Variants in BPI observed in about 807,000 individuals in gnomAD.
The protein encoded by BPI is bactericidal permeability increasing protein, also known as bactericidal permeability-increasing protein.
In BPI, 48 loss-of-function variants were observed where a neutral mutation model predicts 57.6. That is an observed-to-expected ratio of 0.83 (90% CI 0.66 to 1.06). BPI has a LOEUF of 1.06. Ranked by LOEUF, BPI falls within the 50% of genes least tolerant of loss-of-function variation. BPI has a pLI of 0.00. For synonymous variants in BPI, 237 were observed against 238.2 expected (o/e 0.99, Z 0.05); for missense variants, 651 against 609.7 (o/e 1.07, Z -0.71).
rs1345745846 is a variant in BPI, at chr20:38,326,409, G to A, written c.1138G>A (p.Ala380Thr). 1.9e-6 allele frequency: 3 copies of A among 1,613,786 alleles called. No individual in the cohort carries two copies. Among genetic ancestry groups the A allele is most frequent in the East Asian group, 2.2e-5 (1 of 44,860 alleles). The part of the protein sequence containing the change: ...AFAVLPNSSL[A>T]SLFLIGMHTT... ...TGCCGTCCTCCCCAACTCCTCCCTGGCTTCCCTCTTCCTGATTGGCATGGT... is the reference window on the plus strand; with the variant it reads ...TGCCGTCCTCCCCAACTCCTCCCTGACTTCCCTCTTCCTGATTGGCATGGT... The change falls in exon 10 of 15, where the codon GCT (alanine) becomes ACT (threonine). Residue 380 changes from alanine to threonine, a missense_variant. By Grantham distance (58) the Ala-to-Thr change is moderately conservative (BLOSUM62 0). Coordinates refer to ENST00000642449, the MANE Select transcript of BPI (RefSeq NM_001725.3).
chr20:38,310,889 C>T (rs1406953806), intron 4 of BPI, among the ~76,000 whole-genome samples: 2 of 152,234 alleles, frequency 1.3e-5, no homozygotes, highest in African/African-American at 2.4e-5. Flanking sequence ...CTTACTATGT[C>T]CCAGGCTCAT....
intron 12 of BPI, 136 bp from the exon 13 acceptor site, chr20:38,334,294 G>A: frequency 1.2e-6 from 1 of 803,054 alleles, no homozygotes; most frequent in Non-Finnish European, 2.1e-6. Flanking sequence ...CCACCTCTCA[G>A]CAGTTTTCCC....
chr20:38,312,983 G>A (rs909662765), intron 5 of BPI, among the ~76,000 whole-genome samples: 1 of 152,210 alleles, frequency 6.6e-6, no homozygotes, highest in African/African-American at 2.4e-5. Flanking sequence ...CAAAGTCTCA[G>A]GGTAGGGTCT....
At chr20:38,324,194 G>A in intron 8 of BPI, 148 bp downstream of exon 8, 1 of 976,200 alleles carries the variant, frequency 1.0e-6, no homozygotes. Flanking sequence ...TCCAATATCG[G>A]CCCCACCCCT....
chr20:38,329,329 C>A (rs1287930952), intron 11 of BPI, among the ~76,000 whole-genome samples: 3 of 152,222 alleles, frequency 2.0e-5, no homozygotes, highest in Non-Finnish European at 4.4e-5. Flanking sequence ...GCCGCCTTGA[C>A]CCACATCCCT....
intron 9 of BPI, among the ~76,000 whole-genome samples, chr20:38,325,035 G>A (rs188103000): frequency 2.0e-5 from 3 of 152,330 alleles, no homozygotes; most frequent in Admixed American, 6.5e-5. Flanking sequence ...GGGAGTAGAT[G>A]CTGGCAGGAG....
At chr20:38,306,920 T>A (rs2076599352) in intron 1 of BPI, among the ~76,000 whole-genome samples, 1 of 152,056 alleles carries the variant, frequency 6.6e-6, no homozygotes, top group East Asian at 1.9e-4. Context: ...TGGTGGCTCA[T>A]GCCTGTAACT....
Position 38,304,368 on chromosome 20 carries a change from C to T in BPI, c.130+15C>T, listed in dbSNP as rs1166789902. 2 of 1,611,076 alleles carry T rather than the reference C, an allele frequency of 1.2e-6. No individual in the cohort carries two copies. The highest frequency in any genetic ancestry group is 1.7e-6 in the Non-Finnish European group (2 of 1,179,880). ...CCTGGACTACGGTAACTGGATGCCT[C>T]CCTTCCCTCCTCTCCACCCCTGAGG... On this transcript the variant is annotated intron_variant, in intron 1 of 14. Coordinates refer to ENST00000642449, the MANE Select transcript of BPI (RefSeq NM_001725.3).
intron 5 of BPI, among the ~76,000 whole-genome samples, chr20:38,315,603 T>C (rs2076648052): frequency 6.6e-6 from 1 of 152,190 alleles, no homozygotes; most frequent in South Asian, 2.1e-4. Flanking sequence ...TGCTGTCCTC[T>C]GTTCCTGGGT....
At chr20:38,306,058 G>A (rs1276599330) in intron 1 of BPI, among the ~76,000 whole-genome samples, 1 of 152,130 alleles carries the variant, frequency 6.6e-6, no homozygotes, top group African/African-American at 2.4e-5. Context: ...TTGAGACCGA[G>A]TCTCGCTCTG....
intron 3 of BPI, 90 bp from the exon 4 acceptor site, chr20:38,310,401 T>C: frequency 6.7e-7 from 1 of 1,497,224 alleles, no homozygotes; most frequent in Non-Finnish European, 9.1e-7. Flanking sequence ...GTGGGGATAA[T>C]AACAAAACCC....
At chr20:38,327,413 G>A (rs1322914875) in intron 10 of BPI, among the ~76,000 whole-genome samples, 175 bp from the exon 11 acceptor site, 1 of 152,168 alleles carries the variant, frequency 6.6e-6, no homozygotes, top group Admixed American at 6.5e-5. Flanking sequence ...GACAGTTTAG[G>A]ACTCAACAGC....
chr20:38,309,077 G>A lies in BPI; in HGVS notation c.374+19G>A, dbSNP rs5743503. Reference sequence around the variant, plus strand: ...GATTCTTGTGCGTTTCCATGCTTGCGGTTTGTTGGGTGTGCTCTTGGTGAT... The same window carrying A: ...GATTCTTGTGCGTTTCCATGCTTGCAGTTTGTTGGGTGTGCTCTTGGTGAT... On this transcript the variant is annotated intron_variant, in intron 3 of 14. Coordinates refer to ENST00000642449, the MANE Select transcript of BPI (RefSeq NM_001725.3). 1,205 of 1,613,772 alleles carry A rather than the reference G, an allele frequency of 7.5e-4. 18 individuals carry two copies. The African/African-American group carries it at 0.011, about 15-fold the overall frequency.
At position 38,309,655 on chromosome 20, in the gene BPI, T is replaced by A. The variant is rs548479024; in HGVS notation, c.374+597T>A. Among the ~76,000 whole-genome samples, 10 of 152,282 alleles carry A rather than the reference T, an allele frequency of 6.6e-5. No individual in the cohort carries two copies. In the South Asian group the frequency reaches 2.1e-3, roughly 32 times the overall value. On this transcript the variant is annotated intron_variant, in intron 3 of 14. Coordinates refer to ENST00000642449, the MANE Select transcript of BPI (RefSeq NM_001725.3). ...AAGTCAAGGGCAAGCAAAGGCACCT[T>A]CCTCAACCCTGCCATGATAGGCAAT...
intron 5 of BPI, chr20:38,317,677 T>A: frequency 5.0e-6 from 4 of 800,754 alleles, no homozygotes; most frequent in Non-Finnish European, 8.7e-6. Context: ...GTTCACAGAC[T>A]CCATCTCTTG....
chr20:38,309,790 T>C (rs953412604), intron 3 of BPI, among the ~76,000 whole-genome samples: 11 of 152,154 alleles, frequency 7.2e-5, no homozygotes, highest in African/African-American at 2.7e-4. Context: ...CCATTAGCAA[T>C]AGTGGTTCAG....
chr20:38,324,195 C>A, intron 8 of BPI, 149 bp downstream of exon 8: 2 of 964,776 alleles, frequency 2.1e-6, no homozygotes, highest in Non-Finnish European at 3.0e-6. Context: ...CCAATATCGG[C>A]CCCACCCCTC....
At chr20:38,334,382 G>A in intron 12 of BPI, 48 bp from the exon 13 acceptor site, 1 of 1,557,566 alleles carries the variant, frequency 6.4e-7, no homozygotes, top group Non-Finnish European at 8.9e-7. Context: ...GGACCCGCAA[G>A]GTTCTGGCGA....
intron 3 of BPI, 50 bp from the exon 4 acceptor site, chr20:38,310,441 G>T: frequency 6.3e-7 from 1 of 1,588,660 alleles, no homozygotes; most frequent in Non-Finnish European, 8.6e-7. Context: ...AAGTTTGAAT[G>T]TCAGTGGGAA....
Sources: allele counts gnomAD v4.1 joint callset (sites outside exome capture counted in the v4.1 genomes callset), GRCh38; gene constraint gnomAD v4.1.1; transcripts MANE v1.5; gene names NCBI Gene and HGNC (gene_info 2026-07-23, HGNC 2026-07-21).